DDX46: variants seen among roughly 807,000 people sequenced by gnomAD.
DDX46 encodes the protein probable ATP-dependent RNA helicase DDX46.
A neutral mutation model predicts 134.9 loss-of-function variants in DDX46; 30 were observed. The observed-to-expected ratio is 0.22, with a 90% CI of 0.17 to 0.30. The LOEUF is 0.30. Ranked by LOEUF, DDX46 falls within the 10% of genes least tolerant of loss-of-function variation. The pLI, the probability that DDX46 is intolerant of heterozygous loss-of-function variation, is 1.00. For missense variants in DDX46, 622 were observed against 1,248.7 expected (o/e 0.50, Z 7.56); for synonymous variants, 415 against 404.1 (o/e 1.03, Z -0.32).
intron 15 of DDX46, among the ~76,000 whole-genome samples, chr5:134,803,707 C>G (rs892196607): frequency 3.3e-5 from 5 of 152,012 alleles, no homozygotes; most frequent in African/African-American, 1.2e-4. Flanking sequence ...TTTATTTTGC[C>G]CAGAGTTCAT....
At chr5:134,808,002 A>C in intron 16 of DDX46, 61 bp downstream of exon 16, 1 of 1,437,896 alleles carries the variant, frequency 7.0e-7, no homozygotes, top group Non-Finnish European at 9.4e-7. Context: ...TTTCTTTAGT[A>C]TTTCAAGGAG....
At chr5:134,790,179 A>G (rs1754462436) in intron 12 of DDX46, 1 of 532,284 alleles carries the variant, frequency 1.9e-6, no homozygotes, top group African/African-American at 1.9e-5. Flanking sequence ...TGTTTTGGAG[A>G]GGGCTGTTTT....
At chr5:134,783,819 G>T (rs559063889) in intron 9 of DDX46, among the ~76,000 whole-genome samples, 2 of 150,220 alleles carry the variant, frequency 1.3e-5, no homozygotes, top group East Asian at 4.0e-4. Flanking sequence ...AAAGTACTGG[G>T]ATTACAGGCG....
At chr5:134,811,617 G>C (rs1755143805) in intron 17 of DDX46, 79 bp from the exon 18 acceptor site, 1 of 1,457,178 alleles carries the variant, frequency 6.9e-7, no homozygotes, top group Admixed American at 2.4e-5. Context: ...ACACCACCTT[G>C]AAAAATATTT....
rs199510786 is a variant in DDX46, at chr5:134,771,085, CTTTCTCTT to C, written c.447+88_447+95del. The stretch of plus-strand genomic sequence containing the variant: ...TCTTTCTTTCCCTCTTTCTTTCTTT[CTTTCTCTT>C]TCTTTCTTTCTTTTCTGTCTGTCTT... On this transcript the variant is annotated intron_variant, in intron 4 of 22. Transcript: ENST00000452510. 106 of 584,368 alleles carry C rather than the reference CTTTCTCTT, an allele frequency of 1.8e-4. No individual in the cohort carries two copies. In the East Asian group the frequency reaches 2.1e-3, roughly 12 times the overall value. The allele number at this position is 584,368 out of a possible 1,614,324, so 36.2% of individuals were successfully genotyped here.
intron 22 of DDX46, 59 bp from the exon 23 acceptor site, chr5:134,828,600 T>G (rs1320872473): frequency 8.0e-7 from 1 of 1,242,478 alleles, no homozygotes; most frequent in Non-Finnish European, 1.1e-6. Context: ...GTTCGTTTTT[T>G]TTTTTTGTTT....
chr5:134,801,917 A>G (rs1337500704), intron 15 of DDX46, among the ~76,000 whole-genome samples: 2 of 152,120 alleles, frequency 1.3e-5, no homozygotes, highest in Admixed American at 1.3e-4. Flanking sequence ...TATGGTGACT[A>G]TATCTAGGGA....
intron 11 of DDX46, 75 bp from the exon 12 acceptor site, chr5:134,788,438 A>G (rs1379172605): frequency 8.0e-7 from 1 of 1,253,274 alleles, no homozygotes; most frequent in Non-Finnish European, 1.2e-6. Context: ...AGACTAGGCA[A>G]GAACTAAATG....
rs761797436 is a variant in DDX46, at chr5:134,800,366, A to G, written c.1954+4216A>G. On this transcript the variant is annotated intron_variant, in intron 15 of 22. Coordinates refer to ENST00000452510, the MANE Select transcript of DDX46 (RefSeq NM_001300860.2). ...TTATTTATGTAAGGTTTCTTTTAGCATATGCCTTTTGAGATTGATCCATGT... is the reference window on the plus strand; with the variant it reads ...TTATTTATGTAAGGTTTCTTTTAGCGTATGCCTTTTGAGATTGATCCATGT... Among the ~76,000 whole-genome samples the G allele has an allele frequency of 3.9e-5, 6 of 152,320 alleles. No individual in the cohort carries two copies. In the East Asian group the frequency reaches 5.8e-4, roughly 15 times the overall value.
At chr5:134,789,786 T>C (rs1480794237) in intron 12 of DDX46, among the ~76,000 whole-genome samples, 1 of 152,210 alleles carries the variant, frequency 6.6e-6, no homozygotes, top group East Asian at 1.9e-4. Flanking sequence ...TGTATGTATT[T>C]TGTTTTCACT....
At position 134,828,698 on chromosome 5, in the gene DDX46, G is replaced by T; in HGVS notation, c.3091G>T (p.Val1031Phe). The T allele has an allele frequency of 6.6e-7, 1 of 1,514,388 alleles. No homozygotes were observed. 93.8% of individuals were successfully genotyped at this position (1,514,388 alleles called of 1,614,324 possible). The change falls in exon 23 of 23, where the codon GTC (valine) becomes TTC (phenylalanine). Residue 1031 changes from valine to phenylalanine, a missense_variant. Transcript: ENST00000452510. ...ACCAACAAATAAAGGAAGATACAAAGTCTTATAGACATCCGGAAAAAAGAT... is the reference window on the plus strand; with the variant it reads ...ACCAACAAATAAAGGAAGATACAAATTCTTATAGACATCCGGAAAAAAGAT... ...YQPTNKGRYK[V>F]L
chr5:134,783,945 A>G (rs1261105196), intron 9 of DDX46, among the ~76,000 whole-genome samples: 1 of 149,802 alleles, frequency 6.7e-6, no homozygotes, highest in Admixed American at 6.7e-5. Context: ...TCAGCCTCCC[A>G]GAATGCTGGG....
intron 6 of DDX46, among the ~76,000 whole-genome samples, chr5:134,779,028 C>G (rs566525013): frequency 6.6e-6 from 1 of 152,150 alleles, no homozygotes; most frequent in African/African-American, 2.4e-5. Context: ...TCCTGAGTAG[C>G]TGGGATTACA....
intron 6 of DDX46, among the ~76,000 whole-genome samples, chr5:134,779,517 A>G (rs899213569): frequency 6.6e-5 from 10 of 151,606 alleles, no homozygotes; most frequent in Admixed American, 6.6e-4. Flanking sequence ...TATTTAAGAA[A>G]ATGTTTTTTA....
rs528510900 is a variant in DDX46, at chr5:134,763,610, C to G, written c.18-294C>G. 4.6e-5 allele frequency among the ~76,000 whole-genome samples: 7 copies of G among 152,294 alleles called. No homozygotes were observed. The South Asian group carries it at 1.5e-3, about 32-fold the overall frequency. ...ACTATATACAGTGTTTGTTTCTTCA[C>G]TTGTCTGCCGTCTTTTCCTTTACCG... On this transcript the variant is annotated intron_variant, in intron 1 of 22. Transcript: ENST00000452510.
At chr5:134,821,438 A>G (rs1580821395) in intron 21 of DDX46, among the ~76,000 whole-genome samples, 1 of 151,790 alleles carries the variant, frequency 6.6e-6, no homozygotes, top group Admixed American at 6.6e-5. Flanking sequence ...CTGCCTCCCA[A>G]AGTGTTGGGA....
At chr5:134,813,625 T>C (rs935868324) in intron 18 of DDX46, among the ~76,000 whole-genome samples, 16 of 152,070 alleles carry the variant, frequency 1.1e-4, no homozygotes, top group Non-Finnish European at 2.2e-4. Context: ...TGGGGTTTTT[T>C]TTGTCTTGTT....
chr5:134,766,004 C>G (rs1044574350), intron 2 of DDX46, among the ~76,000 whole-genome samples: 48 of 152,226 alleles, frequency 3.2e-4, no homozygotes, highest in African/African-American at 1.1e-3. Flanking sequence ...AGTGAAGTCT[C>G]CATATTTTAT....
At chr5:134,790,383 C>A (rs1343495241) in intron 12 of DDX46, 87 bp from the exon 13 acceptor site, 2 of 1,211,730 alleles carry the variant, frequency 1.7e-6, no homozygotes, top group Non-Finnish European at 2.3e-6. Context: ...GTTTCCTTTA[C>A]AGTTTTTAAA....
Sources: gnomAD v4.1 joint callset for allele counts (sites outside exome capture counted in the v4.1 genomes callset) on GRCh38, gnomAD v4.1.1 for gene constraint, MANE v1.5 for transcripts, NCBI Gene and HGNC (gene_info 2026-07-23, HGNC 2026-07-21) for gene names.